DPP10: variants seen among roughly 807,000 people sequenced by gnomAD.
DPP10 encodes the protein inactive dipeptidyl peptidase 10.
In DPP10, 33 loss-of-function variants were observed where a neutral mutation model predicts 120.9. The observed-to-expected ratio is 0.27, with a 90% CI of 0.21 to 0.37. The LOEUF is 0.37. Ranked by LOEUF, DPP10 falls within the 10% of genes least tolerant of loss-of-function variation. The pLI is 1.00. For synonymous variants in DPP10, 337 were observed against 326.1 expected (o/e 1.03, Z -0.36); for missense variants, 816 against 942.8 (o/e 0.87, Z 1.76).
At chr2:114,875,218 A>G (rs561389588) in intron 1 of DPP10, among the ~76,000 whole-genome samples, 23 of 152,258 alleles carry the variant, frequency 1.5e-4, no homozygotes, top group African/African-American at 5.3e-4. Flanking sequence ...AGGTACATTC[A>G]TTCATCAGAT....
At chr2:114,460,175 ATC>A (rs1491531613) in intron 1 of DPP10, among the ~76,000 whole-genome samples, 1 of 21,390 alleles carries the variant, frequency 4.7e-5, no homozygotes, top group Non-Finnish European at 1.3e-4. Context: ...GATGATATCT[ATC>A]TATCTATCTA....
At chr2:115,227,923 C>T (rs1305621091) in intron 1 of DPP10, among the ~76,000 whole-genome samples, 6 of 93,676 alleles carry the variant, frequency 6.4e-5, no homozygotes, top group Admixed American at 1.5e-4. Flanking sequence ...TCTTTTTTTT[C>T]CTTTTTTTTT....
intron 1 of DPP10, among the ~76,000 whole-genome samples, chr2:115,173,482 A>T (rs1011484151): frequency 1.3e-4 from 20 of 152,226 alleles, no homozygotes; most frequent in Admixed American, 5.9e-4. Flanking sequence ...GAGATCACAA[A>T]GCACCAACAG....
intron 1 of DPP10, among the ~76,000 whole-genome samples, chr2:114,989,604 A>G (rs1401458832): frequency 1.3e-5 from 2 of 152,240 alleles, no homozygotes; most frequent in Non-Finnish European, 2.9e-5. Context: ...GATCATTCTA[A>G]CAGAGGTATA....
chr2:115,633,625 A>G (rs933647019), intron 5 of DPP10, among the ~76,000 whole-genome samples: 5 of 152,048 alleles, frequency 3.3e-5, no homozygotes, highest in Non-Finnish European at 5.9e-5. Flanking sequence ...TCTCTTCTGG[A>G]ATATAGGGTT....
At chr2:114,783,721 C>A (rs1682525227) in intron 1 of DPP10, among the ~76,000 whole-genome samples, 2 of 151,898 alleles carry the variant, frequency 1.3e-5, no homozygotes, top group Non-Finnish European at 2.9e-5. Flanking sequence ...GTGATCCCAG[C>A]TACTTGGAGG....
chr2:115,525,402 T>G (rs1243482683), intron 4 of DPP10, among the ~76,000 whole-genome samples: 4 of 152,156 alleles, frequency 2.6e-5, no homozygotes, highest in Non-Finnish European at 5.9e-5. Flanking sequence ...GTATTTGTGT[T>G]TTAATCTGTT....
At position 114,745,034 on chromosome 2, in the gene DPP10, A is replaced by G. The variant is rs571798914; in HGVS notation, c.60+302196A>G. 6.3e-4 allele frequency among the ~76,000 whole-genome samples: 96 copies of G among 152,196 alleles called. 1 individual carries two copies. The Middle Eastern group carries it at 0.017, about 27-fold the overall frequency. Reference sequence around the variant, plus strand: ...TTTGGCCTCCCAAAGTGCTTGGATGACAGGCGTGAGCCACCGTGCCTGGCC... The same window carrying G: ...TTTGGCCTCCCAAAGTGCTTGGATGGCAGGCGTGAGCCACCGTGCCTGGCC... On this transcript the variant is annotated intron_variant, in intron 1 of 25. Transcript: ENST00000410059.
intron 1 of DPP10, among the ~76,000 whole-genome samples, chr2:114,679,208 G>A (rs1228080463): frequency 5.3e-5 from 8 of 151,958 alleles, no homozygotes; most frequent in Admixed American, 4.6e-4. Context: ...ATTTTTGTGG[G>A]GTAGAGAGTG....
rs746158251 is a variant in DPP10 at position 115,814,932 on chromosome 2, G to A, written c.1840G>A (p.Glu614Lys). 1.9e-6 allele frequency: 3 copies of A among 1,612,434 alleles called. No homozygotes were observed. Among genetic ancestry groups the A allele is most frequent in the East Asian group, 2.2e-5 (1 of 44,834 alleles). ...ATTCCAGGGTCTGAAAATTTTGCAGGAGATTCATCGAAGATTAGGTTCAGT... is the reference window on the plus strand; with the variant it reads ...ATTCCAGGGTCTGAAAATTTTGCAGAAGATTCATCGAAGATTAGGTTCAGT... ...SGFQGLKILQ[E>K]IHRRLGSVEV... Residue 614 changes from glutamate to lysine, a missense_variant, in exon 20 of 26, where the codon GAG (glutamate) becomes AAG (lysine). By Grantham distance (56) the Glu-to-Lys change is moderately conservative. Transcript: ENST00000410059.
chr2:115,377,585 T>C (rs1257211406), intron 3 of DPP10, among the ~76,000 whole-genome samples: 2 of 152,336 alleles, frequency 1.3e-5, no homozygotes, highest in East Asian at 3.9e-4. Flanking sequence ...TTTTGTCTTT[T>C]GTTGCCATTG....
At chr2:114,551,620 G>C (rs977635762) in intron 1 of DPP10, among the ~76,000 whole-genome samples, 4 of 152,200 alleles carry the variant, frequency 2.6e-5, no homozygotes, top group African/African-American at 9.7e-5. Context: ...ACCTGAGACA[G>C]CTGGCTGCGG....
intron 3 of DPP10, among the ~76,000 whole-genome samples, chr2:115,368,197 A>G (rs995873930): frequency 2.6e-5 from 4 of 152,276 alleles, no homozygotes; most frequent in African/African-American, 9.6e-5. Flanking sequence ...GGCCGAAATT[A>G]TGACAGAGAG....
chr2:114,689,075 C>A (rs866226442), intron 1 of DPP10, among the ~76,000 whole-genome samples: 1 of 149,760 alleles, frequency 6.7e-6, no homozygotes, highest in Non-Finnish European at 1.5e-5. Context: ...GTTTTTTTTT[C>A]TTCAACTGTT....
At chr2:114,614,291 T>C (rs916056909) in intron 1 of DPP10, among the ~76,000 whole-genome samples, 3 of 152,150 alleles carry the variant, frequency 2.0e-5, no homozygotes, top group Non-Finnish European at 4.4e-5. Context: ...AAATTTAATT[T>C]TATGTTAAGC....
At chr2:114,743,421 GA>G (rs11355689) in intron 1 of DPP10, among the ~76,000 whole-genome samples, 118,953 of 147,880 alleles carry the variant, frequency 0.8, 48,294 homozygotes, top group African/African-American at 0.95. Context: ...CATGGAAATA[GA>G]AAAAAAAAAA....
intron 17 of DPP10, 104 bp downstream of exon 17, chr2:115,782,503 A>T: frequency 9.0e-7 from 1 of 1,113,860 alleles, no homozygotes; most frequent in Non-Finnish European, 1.3e-6. Context: ...TTCTTCAAAA[A>T]ATCCCCACCA....
chr2:115,410,705 AT>A, intron 3 of DPP10, among the ~76,000 whole-genome samples: 1 of 152,302 alleles, frequency 6.6e-6, no homozygotes, highest in South Asian at 2.1e-4. Context: ...AAGACTACAC[AT>A]TGGGTGCAGT....
chr2:115,737,110 G>A (rs1304956532), intron 8 of DPP10, among the ~76,000 whole-genome samples: 1 of 152,086 alleles, frequency 6.6e-6, no homozygotes, highest in African/African-American at 2.4e-5. Flanking sequence ...CCCAATTCCA[G>A]CTCGTTGTTG....
Sources: allele counts gnomAD v4.1 joint callset (sites outside exome capture counted in the v4.1 genomes callset), GRCh38; gene constraint gnomAD v4.1.1; transcripts MANE v1.5; gene names NCBI Gene and HGNC (gene_info 2026-07-23, HGNC 2026-07-21).